The following PVT1 variants were observed in gnomAD, a reference collection of about 807,000 sequenced individuals.
PVT1 encodes the protein Pvt1 oncogene, also known as CXCR4/PVT1 fusion.
chr8:127,924,137 A>C (rs2129871851), intron 3 of PVT1, among the ~76,000 whole-genome samples: 1 of 152,238 alleles, frequency 6.6e-6, no homozygotes, highest in East Asian at 1.9e-4. Context: ...CTGTGTGTTC[A>C]TGGAGCTGTT....
At chr8:127,944,997 G>A (rs1372404356) in intron 3 of PVT1, among the ~76,000 whole-genome samples, 1 of 152,106 alleles carries the variant, frequency 6.6e-6, no homozygotes, top group Non-Finnish European at 1.5e-5. Context: ...TTTTTCATAT[G>A]TGAATTCTAC....
chr8:127,832,597 G>T (rs187962483), intron 2 of PVT1, among the ~76,000 whole-genome samples: 79 of 152,340 alleles, frequency 5.2e-4, no homozygotes, highest in South Asian at 8.3e-4. Context: ...GGTGGCTCAC[G>T]CCTGTAATCC....
intron 4 of PVT1, among the ~76,000 whole-genome samples, chr8:128,035,679 T>C (rs1464403092): frequency 1.3e-5 from 2 of 152,192 alleles, no homozygotes; most frequent in Non-Finnish European, 1.5e-5. Flanking sequence ...GATCTTGAGA[T>C]GGGAAGAGTG....
chr8:127,973,501 C>G (rs1225474524), intron 3 of PVT1, among the ~76,000 whole-genome samples: 2 of 152,078 alleles, frequency 1.3e-5, no homozygotes, highest in African/African-American at 4.8e-5. Flanking sequence ...CTTAGGTCCC[C>G]TGTGATTCCA....
At chr8:128,020,743 C>G (rs550764986) in intron 4 of PVT1, among the ~76,000 whole-genome samples, 2 of 152,326 alleles carry the variant, frequency 1.3e-5, no homozygotes, top group East Asian at 3.9e-4. Flanking sequence ...TTGTTTTAAG[C>G]CACTAAGTTT....
chr8:128,094,476 G>C (rs1814401021), intron 5 of PVT1, among the ~76,000 whole-genome samples: 1 of 152,182 alleles, frequency 6.6e-6, no homozygotes, highest in Non-Finnish European at 1.5e-5. Context: ...TGTGTGCAGA[G>C]CTTTCACTCA....
intron 3 of PVT1, among the ~76,000 whole-genome samples, chr8:127,919,419 G>A (rs189439117): frequency 6.6e-6 from 1 of 152,270 alleles, no homozygotes; most frequent in Admixed American, 6.5e-5. Flanking sequence ...TTGACTTAGC[G>A]ACACAGTCTG....
chr8:127,809,833 G>A (rs1428396593), intron 2 of PVT1, among the ~76,000 whole-genome samples: 2 of 152,216 alleles, frequency 1.3e-5, no homozygotes, highest in Admixed American at 6.5e-5. Flanking sequence ...TGGGCCAGCA[G>A]CAGCATTGGG....
intron 2 of PVT1, among the ~76,000 whole-genome samples, chr8:127,810,127 A>ATGCTGGGCCTGGGGGGCCACCCCC (rs1389370443): frequency 1.3e-5 from 2 of 152,228 alleles, no homozygotes; most frequent in Non-Finnish European, 2.9e-5. Flanking sequence ...GGCTTCAGGC[A>ATGCTGGGCCTGGGGGGCCACCCCC]TGCTGGGCCT....
chr8:127,832,750 T>G (rs942955623), intron 2 of PVT1, among the ~76,000 whole-genome samples: 1 of 151,772 alleles, frequency 6.6e-6, no homozygotes, highest in Admixed American at 6.6e-5. Context: ...CCCAGCTACT[T>G]GGGAGGCTGA....
intron 2 of PVT1, among the ~76,000 whole-genome samples, chr8:127,819,844 C>G (rs907192418): frequency 2.0e-5 from 3 of 152,218 alleles, no homozygotes; most frequent in Non-Finnish European, 4.4e-5. Context: ...TCGCCCTCAT[C>G]ATTAACCTCT....
chr8:127,925,915 A>C (rs954988871), intron 3 of PVT1, among the ~76,000 whole-genome samples: 15 of 152,232 alleles, frequency 9.9e-5, no homozygotes, highest in Non-Finnish European at 2.1e-4. Context: ...TGCTGGGATT[A>C]CAGGCATGAG....
chr8:127,984,915 T>TTCTTTC (rs1554602168), intron 3 of PVT1, among the ~76,000 whole-genome samples: 706 of 57,066 alleles, frequency 0.012, 31 homozygotes, highest in Non-Finnish European at 0.02. Context: ...CTTTCTTTCT[T>TTCTTTC]TCTTTCTCTT....
intron 3 of PVT1, among the ~76,000 whole-genome samples, chr8:127,984,837 TTTTCTTTC>T (rs71300287): frequency 0.053 from 4,283 of 80,106 alleles, 223 homozygotes; most frequent in East Asian, 0.065. Flanking sequence ...CTTTCTTTTC[TTTTCTTTC>T]TTTCTTTCTT....
intron 2 of PVT1, among the ~76,000 whole-genome samples, chr8:127,861,608 AG>A (rs1382045131): frequency 6.6e-6 from 1 of 151,988 alleles, no homozygotes; most frequent in East Asian, 1.9e-4. Context: ...TGTCTTTTAA[AG>A]TTTTAAAAAC....
intron 4 of PVT1, among the ~76,000 whole-genome samples, chr8:128,042,396 A>C (rs1158135921): frequency 2.6e-5 from 4 of 152,242 alleles, no homozygotes; most frequent in Non-Finnish European, 5.9e-5. Context: ...CCTGATGACC[A>C]GGCCTGGGCT....
chr8:127,839,957 T>A (rs1814954320), intron 2 of PVT1, among the ~76,000 whole-genome samples: 1 of 152,154 alleles, frequency 6.6e-6, no homozygotes, highest in Admixed American at 6.5e-5. Flanking sequence ...CTAAACACAG[T>A]TGATGGCCAG....
At chr8:127,915,436 A>C (rs1319161063) in intron 3 of PVT1, among the ~76,000 whole-genome samples, 2 of 151,524 alleles carry the variant, frequency 1.3e-5, no homozygotes, top group Non-Finnish European at 2.9e-5. Flanking sequence ...AACATGGAGA[A>C]ATCCTTTCCC....
chr8:127,863,041 T>C lies in PVT1; in HGVS notation n.373-27548T>C, dbSNP rs578240112. 2.0e-5 allele frequency among the ~76,000 whole-genome samples: 3 copies of C among 152,216 alleles called. No individual in the cohort carries two copies. The South Asian group carries it at 6.2e-4, about 32-fold the overall frequency. On this transcript the variant is annotated intron_variant and non_coding_transcript_variant, in intron 2 of 10. Coordinates refer to ENST00000651587, the Ensembl canonical transcript of PVT1. Reference sequence around the variant, plus strand: ...TACCAAACCATGCTTTGCAAGTGAATACAAGGATCTACCCCATTAATCTGG... The same window carrying C: ...TACCAAACCATGCTTTGCAAGTGAACACAAGGATCTACCCCATTAATCTGG...
Sources: allele counts gnomAD v4.1 joint callset (sites outside exome capture counted in the v4.1 genomes callset), GRCh38; gene constraint gnomAD v4.1.1; transcripts MANE v1.5; gene names NCBI Gene and HGNC (gene_info 2026-07-23, HGNC 2026-07-21).